Variants in ZC3H12B observed in about 807,000 individuals in gnomAD.
ZC3H12B encodes probable ribonuclease ZC3H12B.
Under a neutral mutation model 43.9 loss-of-function variants are expected in ZC3H12B, and 7 were observed. That is an observed-to-expected ratio of 0.16 (90% confidence interval 0.09 to 0.30). The LOEUF is 0.30. ZC3H12B is among the 10% of genes least tolerant of loss of function. The pLI is 1.00. For synonymous variants in ZC3H12B, 222 were observed against 241.7 expected, an observed-to-expected ratio of 0.92 and a Z score of 0.76; for missense variants, 475 against 670.2, an observed-to-expected ratio of 0.71 and a Z score of 3.22.
At chrX:65,224,729 A>G in the ZC3H12B span, among the ~76,000 whole-genome samples, 1 of 112,172 alleles carries the variant, frequency 8.9e-6, no homozygotes, top group Non-Finnish European at 1.9e-5. Context: ...TATATCCCGC[A>G]CATGACTCAG....
intron 3 of ZC3H12B, among the ~76,000 whole-genome samples, chrX:65,405,412 G>T (rs1449817252): frequency 8.9e-6 from 1 of 112,061 alleles, no homozygotes; most frequent in Non-Finnish European, 1.9e-5. Flanking sequence ...TTCAAGTCAG[G>T]AGTTTGAGAC....
chrX:65,472,239 T>C (rs1219917490), intron 3 of ZC3H12B, among the ~76,000 whole-genome samples: 2 of 111,983 alleles, frequency 1.8e-5, no homozygotes, highest in Non-Finnish European at 3.8e-5. Context: ...AGTTATTTAT[T>C]TTCATTGTTA....
the ZC3H12B span, chrX:65,328,500 T>A: frequency 1.7e-5 from 4 of 235,696 alleles, no homozygotes; most frequent in Admixed American, 1.5e-4. Context: ...TCAACTCTGT[T>A]CATAAATGTT....
chrX:65,136,892 C>A, the ZC3H12B span, among the ~76,000 whole-genome samples: 4 of 111,547 alleles, frequency 3.6e-5, no homozygotes, highest in Non-Finnish European at 5.6e-5. Context: ...AGAAAGTGGA[C>A]CATGTGATTT....
At chrX:65,253,162 G>T in the ZC3H12B span, among the ~76,000 whole-genome samples, 4 of 111,816 alleles carry the variant, frequency 3.6e-5, no homozygotes, top group Non-Finnish European at 7.5e-5. Flanking sequence ...GGGAAGGCTC[G>T]TGAACTCAAA....
chrX:65,092,320 TG>T, the ZC3H12B span, among the ~76,000 whole-genome samples: 2 of 111,474 alleles, frequency 1.8e-5, no homozygotes, highest in African/African-American at 6.5e-5. Flanking sequence ...CACAGAGAAG[TG>T]GGGCATTGTT....
intron 3 of ZC3H12B, among the ~76,000 whole-genome samples, chrX:65,482,912 A>C (rs2068081500): frequency 8.9e-6 from 1 of 111,931 alleles, no homozygotes; most frequent in Admixed American, 9.5e-5. Flanking sequence ...GAAAATCAAC[A>C]GACTCTTACT....
At chrX:65,481,296 C>T (rs965435360) in intron 3 of ZC3H12B, among the ~76,000 whole-genome samples, 1 of 111,787 alleles carries the variant, frequency 8.9e-6, no homozygotes, top group Non-Finnish European at 1.9e-5. Flanking sequence ...AACAACCTTA[C>T]GAGAACATAT....
chrX:65,452,216 C>A (rs2067524855), intron 3 of ZC3H12B, among the ~76,000 whole-genome samples: 1 of 111,125 alleles, frequency 9.0e-6, no homozygotes, highest in African/African-American at 3.3e-5. Context: ...AAAAGGCATC[C>A]AAATCAGTAA....
chrX:65,337,605 A>G, the ZC3H12B span, among the ~76,000 whole-genome samples: 1 of 112,335 alleles, frequency 8.9e-6, no homozygotes, highest in Non-Finnish European at 1.9e-5. Flanking sequence ...AAAAATCACA[A>G]CATCACTTTC....
the ZC3H12B span, among the ~76,000 whole-genome samples, chrX:65,324,551 T>C: frequency 8.9e-6 from 1 of 111,934 alleles, no homozygotes; most frequent in East Asian, 2.8e-4. Flanking sequence ...ATTTTTTTTA[T>C]TGACTCCTTG....
the ZC3H12B span, among the ~76,000 whole-genome samples, chrX:65,114,385 G>A: frequency 4.6e-5 from 5 of 109,743 alleles, no homozygotes; most frequent in South Asian, 1.9e-3. Context: ...TTTTCTTTTT[G>A]GGAGTTTTAA....
the ZC3H12B span, among the ~76,000 whole-genome samples, chrX:65,138,937 T>A: frequency 8.9e-6 from 1 of 112,174 alleles, no homozygotes; most frequent in Non-Finnish European, 1.9e-5. Context: ...AATTGGATTG[T>A]TTGTTTGTTT....
chrX:65,408,335 T>C (rs1569397559), intron 3 of ZC3H12B: 1 of 1,200,534 alleles, frequency 8.3e-7, no homozygotes, highest in African/African-American at 1.7e-5. Context: ...CGCCAAGAGA[T>C]TGAATACGAT....
chrX:65,101,926 A>G, the ZC3H12B span, among the ~76,000 whole-genome samples: 1 of 112,222 alleles, frequency 8.9e-6, no homozygotes, highest in Non-Finnish European at 1.9e-5. Flanking sequence ...CAGAGACACA[A>G]CAAGAAAAGA....
the ZC3H12B span, among the ~76,000 whole-genome samples, chrX:65,204,208 A>T: frequency 1.8e-5 from 2 of 112,000 alleles, no homozygotes; most frequent in Non-Finnish European, 3.8e-5. Flanking sequence ...GCATTTATTC[A>T]TCTGATTTTT....
chrX:65,235,834 C>A, the ZC3H12B span, among the ~76,000 whole-genome samples: 1 of 111,868 alleles, frequency 8.9e-6, no homozygotes, highest in African/African-American at 3.3e-5. Flanking sequence ...TACCGTGTTA[C>A]CTCAGTTTTT....
chrX:65,150,786 G>T, the ZC3H12B span, among the ~76,000 whole-genome samples: 1 of 110,316 alleles, frequency 9.1e-6, no homozygotes, highest in Admixed American at 9.8e-5. Context: ...TTTCTTCTTT[G>T]CAGATGAGAT....
At chrX:65,422,784 G>A (rs2067034357) in intron 3 of ZC3H12B, among the ~76,000 whole-genome samples, 1 of 110,484 alleles carries the variant, frequency 9.1e-6, no homozygotes, top group East Asian at 2.8e-4. Flanking sequence ...AACATGAGAT[G>A]TTTGGTTTTC....
Sources: allele counts gnomAD v4.1 joint callset (sites outside exome capture counted in the v4.1 genomes callset), GRCh38; gene constraint gnomAD v4.1.1; transcripts MANE v1.5; gene names NCBI Gene and HGNC (gene_info 2026-07-23, HGNC 2026-07-21).